The following CNTN6 variants were observed in gnomAD, a reference collection of about 807,000 sequenced individuals.
The protein encoded by CNTN6 is contactin-6.
A neutral mutation model predicts 122.8 loss-of-function variants in CNTN6; 137 were observed. The observed-to-expected ratio is 1.12, with a 90% CI of 0.97 to 1.29. The LOEUF (loss-of-function observed/expected upper bound fraction) is 1.29. Among genes scored for constraint, CNTN6 ranks in the 50% most tolerant of loss-of-function variants. The pLI is 0.00. For synonymous variants in CNTN6, 570 were observed against 426.0 expected (o/e 1.34, Z -4.16); for missense variants, 1,634 against 1,223.4 (o/e 1.34, Z -5.01).
chr3:1,120,054 C>G (rs560021081), intron 1 of CNTN6, among the ~76,000 whole-genome samples: 34 of 152,136 alleles, frequency 2.2e-4, no homozygotes, highest in African/African-American at 8.2e-4. Context: ...ACACAAATCA[C>G]TACCTTTTTC....
At chr3:1,362,362 G>A (rs983767082) in intron 12 of CNTN6, among the ~76,000 whole-genome samples, 1 of 152,018 alleles carries the variant, frequency 6.6e-6, no homozygotes, top group Non-Finnish European at 1.5e-5. Flanking sequence ...CACAGCGATA[G>A]AAATATTGAA....
At chr3:1,167,613 C>G (rs941766971) in intron 2 of CNTN6, among the ~76,000 whole-genome samples, 1 of 152,064 alleles carries the variant, frequency 6.6e-6, no homozygotes, top group South Asian at 2.1e-4. Flanking sequence ...CTTAAACATA[C>G]CGTAAGTCCC....
At chr3:1,287,533 T>C (rs1694556430) in intron 5 of CNTN6, among the ~76,000 whole-genome samples, 1 of 152,264 alleles carries the variant, frequency 6.6e-6, no homozygotes, top group East Asian at 1.9e-4. Flanking sequence ...TCCCTAAGAA[T>C]TGGAGGTTTC....
chr3:1,202,607 A>T (rs963894265), intron 2 of CNTN6, among the ~76,000 whole-genome samples: 1 of 151,836 alleles, frequency 6.6e-6, no homozygotes, highest in Admixed American at 6.6e-5. Context: ...ATAAAATAAA[A>T]TTTTTACAAA....
Position 1,402,241 on chromosome 3 carries a change from T to C in CNTN6, c.2818-77T>C, listed in dbSNP as rs1039335636. 7.9e-6 allele frequency: 9 copies of C among 1,143,388 alleles called. No individual in the cohort carries two copies. The African/African-American group carries it at 1.4e-4, about 18-fold the overall frequency. The allele number at this position is 1,143,388 out of a possible 1,614,324, so 70.8% of individuals were successfully genotyped here. ...ATTTATGATGATGTATCTTATGTCT[T>C]ACAGTGTTCCAGAACAGTTGTGTGA... On this transcript the variant is annotated intron_variant, in intron 21 of 22. Coordinates refer to ENST00000446702, the MANE Select transcript of CNTN6 (RefSeq NM_001289080.2).
chr3:1,277,126 T>C (rs1000989203), intron 4 of CNTN6, among the ~76,000 whole-genome samples: 3 of 152,176 alleles, frequency 2.0e-5, no homozygotes, highest in African/African-American at 4.8e-5. Flanking sequence ...ACAAGTCTAT[T>C]ATTATGGGAG....
intron 2 of CNTN6, among the ~76,000 whole-genome samples, chr3:1,148,506 A>G (rs1019506251): frequency 5.9e-5 from 9 of 152,090 alleles, no homozygotes; most frequent in Non-Finnish European, 1.2e-4. Context: ...AATCAAAGCT[A>G]TATTCATTTA....
chr3:1,316,290 G>A (rs1700088192), intron 7 of CNTN6, among the ~76,000 whole-genome samples: 2 of 151,894 alleles, frequency 1.3e-5, no homozygotes, highest in African/African-American at 4.8e-5. Flanking sequence ...CAGTTCTGCA[G>A]GCTGTACAGG....
intron 1 of CNTN6, among the ~76,000 whole-genome samples, chr3:1,136,853 GTTAC>G (rs1239435348): frequency 2.0e-5 from 3 of 152,112 alleles, no homozygotes; most frequent in African/African-American, 4.8e-5. Context: ...ACTTTGTCCA[GTTAC>G]TTAGTTCCTC....
chr3:1,262,487 C>G (rs1274006682), intron 4 of CNTN6, among the ~76,000 whole-genome samples: 2 of 152,114 alleles, frequency 1.3e-5, no homozygotes, highest in East Asian at 1.9e-4. Flanking sequence ...CTTTGTTGGT[C>G]TAAGATTTCT....
At chr3:1,278,823 G>A (rs970215836) in intron 5 of CNTN6, among the ~76,000 whole-genome samples, 1 of 152,080 alleles carries the variant, frequency 6.6e-6, no homozygotes, top group Non-Finnish European at 1.5e-5. Flanking sequence ...TTCATGACAA[G>A]GGGACAATTT....
At chr3:1,371,492 C>G (rs1350753769) in intron 12 of CNTN6, among the ~76,000 whole-genome samples, 2 of 152,050 alleles carry the variant, frequency 1.3e-5, no homozygotes, top group Non-Finnish European at 2.9e-5. Flanking sequence ...TTGATGAATT[C>G]TCAACTCTCT....
At chr3:1,275,160 G>A (rs1478450806) in intron 4 of CNTN6, among the ~76,000 whole-genome samples, 1 of 152,076 alleles carries the variant, frequency 6.6e-6, no homozygotes, top group East Asian at 1.9e-4. Context: ...TATTTTATCT[G>A]TGTCCTGAAT....
chr3:1,202,147 T>C (rs2093881914), intron 2 of CNTN6, among the ~76,000 whole-genome samples: 2 of 152,202 alleles, frequency 1.3e-5, no homozygotes, highest in Non-Finnish European at 2.9e-5. Context: ...CTTGTCTGTT[T>C]CCCTATGGTG....
chr3:1,351,878 A>G (rs1705698706), intron 11 of CNTN6, among the ~76,000 whole-genome samples: 2 of 152,074 alleles, frequency 1.3e-5, no homozygotes, highest in South Asian at 4.1e-4. Context: ...CTGTGGCCAC[A>G]GAAAATGCTG....
chr3:1,325,138 C>A (rs1407706341), intron 8 of CNTN6, among the ~76,000 whole-genome samples: 1 of 151,892 alleles, frequency 6.6e-6, no homozygotes, highest in South Asian at 2.1e-4. Flanking sequence ...ATCTTACTTT[C>A]ACGTCAATTA....
chr3:1,237,183 T>C (rs887494422), intron 4 of CNTN6, among the ~76,000 whole-genome samples: 3 of 151,846 alleles, frequency 2.0e-5, no homozygotes, highest in Non-Finnish European at 2.9e-5. Context: ...GTGAAATAGA[T>C]AGTATAAATA....
At chr3:1,174,477 A>G (rs1025282355) in intron 2 of CNTN6, among the ~76,000 whole-genome samples, 1 of 152,168 alleles carries the variant, frequency 6.6e-6, no homozygotes, top group Non-Finnish European at 1.5e-5. Context: ...TCTTATCACA[A>G]ATGTTCTCCT....
At position 1,323,196 on chromosome 3, in the gene CNTN6, CTTAAGA is replaced by C. The variant is rs374009673; in HGVS notation, c.946+1367_946+1372del. Among the ~76,000 whole-genome samples the C allele has an allele frequency of 3.0e-3, 462 of 151,810 alleles. 1 individual carries two copies. The highest frequency in any genetic ancestry group is 0.011 in the African/African-American group (437 of 41,462). ...ATTCTTAATCTTAAGAAGTAGAAAT[CTTAAGA>C]TTAATATTAAGAGGTAGAAACAATG... On this transcript the variant is annotated intron_variant, in intron 8 of 22. Transcript: ENST00000446702.
Sources: gnomAD v4.1 joint callset for allele counts (sites outside exome capture counted in the v4.1 genomes callset) on GRCh38, gnomAD v4.1.1 for gene constraint, MANE v1.5 for transcripts, NCBI Gene and HGNC (gene_info 2026-07-23, HGNC 2026-07-21) for gene names.